The following VIPAS39 variants were observed in gnomAD, a reference collection of about 807,000 sequenced individuals.
The protein encoded by VIPAS39 is VPS33B interacting protein, apical-basolateral polarity regulator, spe-39 homolog, also known as spermatogenesis-defective protein 39 homolog.
Under a neutral mutation model 84.7 loss-of-function variants are expected in VIPAS39, and 63 were observed. The observed-to-expected ratio is 0.74, with a 90% CI of 0.61 to 0.92. The LOEUF (loss-of-function observed/expected upper bound fraction) is 0.92. Ranked by LOEUF, VIPAS39 falls within the 40% of genes least tolerant of loss-of-function variation. VIPAS39 has a pLI of 0.00. For missense variants in VIPAS39, 499 were observed against 604.5 expected (o/e 0.83, Z 1.83); for synonymous variants, 192 against 216.5 (o/e 0.89, Z 0.99).
chr14:77,434,902 GAA>G (rs553201076), intron 14 of VIPAS39, among the ~76,000 whole-genome samples: 3 of 133,000 alleles, frequency 2.3e-5, no homozygotes, highest in African/African-American at 2.7e-5. Flanking sequence ...CCATCTCAGA[GAA>G]AAAAAAAAAA....
chr14:77,434,268 T>TTG lies in VIPAS39; in HGVS notation c.1082_1083insCA (p.Phe362AsnfsTer11). On this transcript the variant is annotated frameshift_variant, in exon 15 of 20. Transcript: ENST00000557658. LOFTEE classifies it high-confidence loss of function. ...CTGACCAATTTGTATCTACCTTAAA[T>TTG]GTCTTCTTCAGGTTGACGGGACTGC... 1 of 1,614,152 alleles carries TTG rather than the reference T, an allele frequency of 6.2e-7. No homozygotes were observed. The highest frequency in any genetic ancestry group is 8.5e-7 in the Non-Finnish European group (1 of 1,180,002).
chr14:77,445,267 A>G lies in VIPAS39; in HGVS notation c.505-926T>C, dbSNP rs150762174. Among the ~76,000 whole-genome samples, 1,063 of 152,310 alleles carry G rather than the reference A, an allele frequency of 7.0e-3. 19 individuals carry two copies. The highest frequency in any genetic ancestry group is 0.037 in the South Asian group (179 of 4,832). Reference sequence around the variant, plus strand: ...AGCCACCATGCCCAGCCAGTATCTCATAGTTTCAACTCACATTTTCTTGAT... The same window carrying G: ...AGCCACCATGCCCAGCCAGTATCTCGTAGTTTCAACTCACATTTTCTTGAT... On this transcript the variant is annotated intron_variant, in intron 7 of 19. Coordinates refer to ENST00000557658, the MANE Select transcript of VIPAS39 (RefSeq NM_001193315.2).
chr14:77,431,157 G>C (rs1231545941), intron 16 of VIPAS39, among the ~76,000 whole-genome samples: 1 of 152,132 alleles, frequency 6.6e-6, no homozygotes, highest in African/African-American at 2.4e-5. Context: ...CACACCAAAG[G>C]CTCAGGCTAC....
rs1179795749 is a variant in VIPAS39 at position 77,429,730 on chromosome 14, C to G, written c.1217G>C (p.Gly406Ala). Residue 406 changes from glycine (G) to alanine (A), a missense_variant, in exon 17 of 20, where the codon GGC (glycine) becomes GCC (alanine). By Grantham distance (60) the Gly-to-Ala change is moderately conservative. Coordinates refer to ENST00000557658, the MANE Select transcript of VIPAS39 (RefSeq NM_001193315.2). ...LGYTKKRAPI[G>A]FHRVVEILHK... ...CAAAATTTCGACAACCCGATGGAAG[C>G]CAATGGGTGCTCTCTTCTTGGTATA... is the stretch of plus-strand genomic sequence containing the variant. 5 of 1,614,134 alleles carry G rather than the reference C, an allele frequency of 3.1e-6. No homozygotes were observed. The highest frequency in any genetic ancestry group is 4.2e-6 in the Non-Finnish European group (5 of 1,180,012).
chr14:77,434,853 C>T lies in VIPAS39; in HGVS notation c.1047+406G>A, dbSNP rs867142554. 2.4e-4 allele frequency among the ~76,000 whole-genome samples: 36 copies of T among 151,372 alleles called. No individual in the cohort carries two copies. The Middle Eastern group carries it at 0.024, about 100-fold the overall frequency. On this transcript the variant is annotated intron_variant, in intron 14 of 19. Transcript: ENST00000557658. ...GGCGGAGGTTACAGTGAGCCAAGAT[C>T]GCACCACTGCACTCCAGCCTGGGCG... is the stretch of plus-strand genomic sequence containing the variant.
In VIPAS39 at chr14:77,429,035, T is replaced by C. The variant is rs778194452; in HGVS notation, c.1327A>G (p.Lys443Glu). ...ATGACGACATCATGGCACTTGAACT[T>C]AGTGGCTAAGTTCAACTTCGTGTCC... ...DVDTKLNLAT[K>E]FKCHDVVIDT... Residue 443 changes from lysine (K) to glutamate (E), a missense_variant, in exon 18 of 20, where the codon AAG (lysine) becomes GAG (glutamate). Physicochemically the swap from Lys to Glu is moderately conservative, Grantham distance 56 (BLOSUM62 1). Coordinates refer to ENST00000557658, the MANE Select transcript of VIPAS39 (RefSeq NM_001193315.2). The C allele has an allele frequency of 5.0e-6, 8 of 1,614,018 alleles. No homozygotes were observed. Among genetic ancestry groups the C allele is most frequent in the Non-Finnish European group, 5.9e-6 (7 of 1,179,916 alleles).
In VIPAS39 at chr14:77,443,131, T is replaced by C; in HGVS notation, c.619A>G (p.Thr207Ala). The change falls in exon 9 of 20, where the codon ACA becomes GCA. Residue 207 changes from threonine (T) to alanine (A), a missense_variant. Physicochemically the swap from Thr to Ala is moderately conservative, Grantham distance 58. Coordinates refer to ENST00000557658, the MANE Select transcript of VIPAS39 (RefSeq NM_001193315.2). The stretch of plus-strand genomic sequence containing the variant: ...AAGCCATTCTCACCTTTGCTCAGTG[T>C]CCTCTTCAGGAAAATCAGAACCTAC... ...ITAVLIFLKRTLSKEILFREL... is the reference protein window; with the variant it reads ...ITAVLIFLKRALSKEILFREL... The C allele has an allele frequency of 6.2e-7, 1 of 1,614,180 alleles. No homozygotes were observed. The highest frequency in any genetic ancestry group is 8.5e-7 in the Non-Finnish European group (1 of 1,180,036).
chr14:77,446,899 C>G (rs1385086768), intron 7 of VIPAS39, among the ~76,000 whole-genome samples: 1 of 151,912 alleles, frequency 6.6e-6, no homozygotes, highest in South Asian at 2.1e-4. Context: ...GCAGCCTCGA[C>G]CTTCAGGGCT....
chr14:77,454,144 C>T, intron 1 of VIPAS39, 42 bp from the exon 2 acceptor site: 1 of 1,585,780 alleles, frequency 6.3e-7, no homozygotes, highest in South Asian at 1.1e-5. Flanking sequence ...TTCTGGGTCT[C>T]TCCCTAAAGA....
At position 77,444,773 on chromosome 14, in the gene VIPAS39, G is replaced by A. The variant is rs112616436; in HGVS notation, c.505-432C>T. 7.8e-4 allele frequency among the ~76,000 whole-genome samples: 119 copies of A among 151,678 alleles called. No individual in the cohort carries two copies. In the South Asian group the frequency reaches 0.015, roughly 19 times the overall value. Reference sequence around the variant, plus strand: ...TAGTAATTTAATTTTTAGTAGAGACGGGGTTTCACTGTGTTAGCCAGGATG... The same window carrying A: ...TAGTAATTTAATTTTTAGTAGAGACAGGGTTTCACTGTGTTAGCCAGGATG... On this transcript the variant is annotated intron_variant, in intron 7 of 19. Transcript: ENST00000557658.
rs924088762 is a variant in VIPAS39, at chr14:77,433,825, A to G, written c.1179+17T>C. 3.1e-6 allele frequency: 5 copies of G among 1,612,894 alleles called. No individual in the cohort carries two copies. The highest frequency in any genetic ancestry group is 4.2e-6 in the Non-Finnish European group (5 of 1,179,000). ...CTGTCTCCCAAGGCCTCAGCAGCACAGGGGCAGGGCACACACCTTTGTGGT... is the reference window on the plus strand; with the variant it reads ...CTGTCTCCCAAGGCCTCAGCAGCACGGGGGCAGGGCACACACCTTTGTGGT... On this transcript the variant is annotated intron_variant, in intron 16 of 19. Transcript: ENST00000557658.
chr14:77,441,516 C>T (rs2078702933), intron 10 of VIPAS39, among the ~76,000 whole-genome samples: 1 of 152,116 alleles, frequency 6.6e-6, no homozygotes, highest in South Asian at 2.1e-4. Context: ...GGACTTTTGT[C>T]TTCTGATTCT....
At chr14:77,427,928 A>G in intron 19 of VIPAS39, among the ~76,000 whole-genome samples, 1 of 152,204 alleles carries the variant, frequency 6.6e-6, no homozygotes, top group South Asian at 2.1e-4. Flanking sequence ...ATATTAACAA[A>G]GAGCTCAGTA....
At chr14:77,432,533 T>C (rs559359350) in intron 16 of VIPAS39, among the ~76,000 whole-genome samples, 3 of 152,282 alleles carry the variant, frequency 2.0e-5, no homozygotes, top group South Asian at 2.1e-4. Flanking sequence ...TGTCCATTGA[T>C]GGATGAGTGG....
intron 17 of VIPAS39, among the ~76,000 whole-genome samples, chr14:77,429,474 G>C (rs1177771616): frequency 6.6e-6 from 1 of 152,238 alleles, no homozygotes; most frequent in Non-Finnish European, 1.5e-5. Flanking sequence ...ATGCTACTCA[G>C]AGAGGACAGT....
chr14:77,442,436 A>C, intron 10 of VIPAS39, 124 bp downstream of exon 10: 1 of 853,424 alleles, frequency 1.2e-6, no homozygotes, highest in Non-Finnish European at 2.0e-6. Context: ...CTCACACTTC[A>C]ATAGCTTGTC....
rs189791388 is a variant in VIPAS39, at chr14:77,431,418, G to C, written c.1180-1651C>G. Among the ~76,000 whole-genome samples the C allele has an allele frequency of 7.9e-5, 12 of 152,314 alleles. No individual in the cohort carries two copies. In the East Asian group the frequency reaches 1.7e-3, roughly 22 times the overall value. ...ACATGGAAATGGCCAAGAAGTACAT[G>C]AAAAGGTGATCAGTATCACTAAACA... On this transcript the variant is annotated intron_variant, in intron 16 of 19. Coordinates refer to ENST00000557658, the MANE Select transcript of VIPAS39 (RefSeq NM_001193315.2).
chr14:77,427,472 T>C lies in VIPAS39; in HGVS notation c.*144A>G. 1.1e-6 allele frequency: 1 copy of C among 918,294 alleles called. No individual in the cohort carries two copies. Among genetic ancestry groups the C allele is most frequent in the Non-Finnish European group, 1.8e-6 (1 of 568,588 alleles). 56.9% of individuals were successfully genotyped at this position (918,294 alleles called of 1,614,324 possible). ...CTTGGACAGAAGATCAGTCTGAAGT[T>C]ATCTGTGTCAAGAGTAGCTGGCACT... On this transcript the variant is annotated 3_prime_UTR_variant, in exon 20 of 20. Transcript: ENST00000557658.
At chr14:77,444,533 A>G (rs1318705703) in intron 7 of VIPAS39, among the ~76,000 whole-genome samples, 192 bp from the exon 8 acceptor site, 4 of 152,198 alleles carry the variant, frequency 2.6e-5, no homozygotes, top group East Asian at 1.9e-4. Context: ...CTGCTGCCCT[A>G]TAAGATGCTA....
Sources: gnomAD v4.1 joint callset for allele counts (sites outside exome capture counted in the v4.1 genomes callset) on GRCh38, gnomAD v4.1.1 for gene constraint, MANE v1.5 for transcripts, NCBI Gene and HGNC (gene_info 2026-07-23, HGNC 2026-07-21) for gene names.